The following HIPK2 variants were observed in gnomAD, a reference collection of about 807,000 sequenced individuals.
HIPK2 encodes the protein homeodomain-interacting protein kinase 2.
A neutral mutation model predicts 113.7 loss-of-function variants in HIPK2; 27 were observed. The ratio of observed to expected loss-of-function variants is 0.24; its 90% CI spans 0.17 to 0.33. The LOEUF is 0.33. Among genes scored for constraint, HIPK2 ranks in the 10% least tolerant of loss-of-function variants. The probability of loss-of-function intolerance (pLI) is 1.00; values close to 1 mark genes in which losing one functional copy is unlikely to be tolerated. For synonymous variants in HIPK2, 631 were observed against 642.2 expected, an observed-to-expected ratio of 0.98 and a Z score of 0.26; for missense variants, 1,257 against 1,588.0, an observed-to-expected ratio of 0.79 and a Z score of 3.54.
intron 1 of HIPK2, among the ~76,000 whole-genome samples, chr7:139,769,103 G>A (rs898328248): frequency 3.3e-5 from 5 of 152,204 alleles, no homozygotes; most frequent in African/African-American, 1.2e-4. Flanking sequence ...AAGTTTTCCT[G>A]ATCCTAGATC....
intron 2 of HIPK2, among the ~76,000 whole-genome samples, chr7:139,701,975 C>T (rs1222430916): frequency 1.3e-5 from 2 of 152,050 alleles, no homozygotes; most frequent in Non-Finnish European, 2.9e-5. Context: ...AGTAGGACTT[C>T]GAATCCCAGA....
intron 1 of HIPK2, among the ~76,000 whole-genome samples, chr7:139,749,529 A>G (rs1796245219): frequency 6.6e-6 from 1 of 152,190 alleles, no homozygotes; most frequent in Non-Finnish European, 1.5e-5. Context: ...GATCTACTTC[A>G]CATCAGGCTA....
At chr7:139,645,601 A>G (rs1218708858) in intron 2 of HIPK2, among the ~76,000 whole-genome samples, 1 of 152,190 alleles carries the variant, frequency 6.6e-6, no homozygotes. Context: ...TGGCCGATGG[A>G]GTAGGCTCTG....
rs1311156980 is a variant in HIPK2 at position 139,596,710 on chromosome 7, G to C, written c.2717+7C>G. 1.2e-5 allele frequency: 19 copies of C among 1,607,902 alleles called. No homozygotes were observed. The highest frequency in any genetic ancestry group is 1.5e-5 in the Non-Finnish European group (18 of 1,174,686). On this transcript the variant is annotated splice_region_variant and intron_variant, in intron 12 of 14. Coordinates refer to ENST00000406875, the MANE Select transcript of HIPK2 (RefSeq NM_022740.5). ...CTTCCTGGAAGGCTAAGGTGGCACT[G>C]CCTCACCTGGTGGGGGCGTGTTTCT...
intron 1 of HIPK2, among the ~76,000 whole-genome samples, chr7:139,723,492 C>A (rs965861345): frequency 1.3e-5 from 2 of 152,284 alleles, no homozygotes; most frequent in Middle Eastern, 3.4e-3. Flanking sequence ...CTGCACCCAG[C>A]CAACTCACAC....
At chr7:139,576,691 C>T (rs187612839) in intron 13 of HIPK2, among the ~76,000 whole-genome samples, 23 of 152,336 alleles carry the variant, frequency 1.5e-4, no homozygotes, top group East Asian at 9.6e-4. Context: ...TCACAGATCA[C>T]GCAGATGAGG....
chr7:139,580,525 G>C (rs920309389), intron 13 of HIPK2, among the ~76,000 whole-genome samples: 5 of 152,232 alleles, frequency 3.3e-5, no homozygotes, highest in African/African-American at 1.2e-4. Context: ...GGAACAGTGA[G>C]GAAACATTCT....
chr7:139,768,457 A>T (rs1796588851), intron 1 of HIPK2, among the ~76,000 whole-genome samples: 1 of 151,818 alleles, frequency 6.6e-6, no homozygotes, highest in Admixed American at 6.5e-5. Flanking sequence ...TTTTTTTTTT[A>T]AAGCTGCTTA....
chr7:139,569,121 C>G lies in HIPK2; in HGVS notation c.*3806G>C, dbSNP rs1056811670. 2 of 152,578 alleles carry G rather than the reference C, an allele frequency of 1.3e-5. No homozygotes were observed. Among genetic ancestry groups the G allele is most frequent in the Non-Finnish European group, 2.9e-5 (2 of 68,372 alleles). The allele number at this position is 152,578 out of a possible 1,614,324, so 9.5% of individuals were successfully genotyped here. A position where few individuals can be genotyped will look rare whatever the true frequency, so the allele number is the denominator to read the frequency against. On this transcript the variant is annotated 3_prime_UTR_variant, in exon 15 of 15. Coordinates refer to ENST00000406875, the MANE Select transcript of HIPK2 (RefSeq NM_022740.5). Reference sequence around the variant, plus strand: ...GCCTGAGCAGCCGCCCAGCTTTGTTCAGGGTTTCTCTGGCCTCCTGCTGTC... The same window carrying G: ...GCCTGAGCAGCCGCCCAGCTTTGTTGAGGGTTTCTCTGGCCTCCTGCTGTC...
chr7:139,754,741 C>T (rs1356766578), intron 1 of HIPK2, among the ~76,000 whole-genome samples: 2 of 152,166 alleles, frequency 1.3e-5, no homozygotes, highest in Admixed American at 6.5e-5. Flanking sequence ...AAGAAACTTC[C>T]TCTGTCACAC....
chr7:139,730,648 A>G (rs1264008269), intron 1 of HIPK2, among the ~76,000 whole-genome samples: 1 of 152,242 alleles, frequency 6.6e-6, no homozygotes, highest in Non-Finnish European at 1.5e-5. Context: ...GGCATGAGCC[A>G]TCGCACCTGG....
At chr7:139,688,269 A>G (rs780573250) in intron 2 of HIPK2, among the ~76,000 whole-genome samples, 35 of 151,800 alleles carry the variant, frequency 2.3e-4, no homozygotes, top group Non-Finnish European at 3.5e-4. Context: ...ATCAAGAGGC[A>G]CTCCCTCCTC....
At chr7:139,693,577 G>C (rs1191436484) in intron 2 of HIPK2, among the ~76,000 whole-genome samples, 5 of 152,164 alleles carry the variant, frequency 3.3e-5, no homozygotes, top group Admixed American at 6.5e-5. Context: ...CACTAAATGG[G>C]GAGTTGTCCC....
At chr7:139,684,311 A>G (rs1041780928) in intron 2 of HIPK2, among the ~76,000 whole-genome samples, 1 of 152,204 alleles carries the variant, frequency 6.6e-6, no homozygotes, top group African/African-American at 2.4e-5. Context: ...AATTAGGCCA[A>G]TTAATAATCC....
chr7:139,751,422 G>A (rs970570895), intron 1 of HIPK2, among the ~76,000 whole-genome samples: 13 of 152,078 alleles, frequency 8.5e-5, no homozygotes, highest in Non-Finnish European at 1.8e-4. Flanking sequence ...TGTTTGCTGT[G>A]CCTGGGAGTG....
chr7:139,761,344 G>C (rs1022739541), intron 1 of HIPK2, among the ~76,000 whole-genome samples: 3 of 152,256 alleles, frequency 2.0e-5, no homozygotes, highest in Admixed American at 6.5e-5. Context: ...CAAGTCACTT[G>C]CTGGTCTCTA....
intron 2 of HIPK2, among the ~76,000 whole-genome samples, chr7:139,703,577 G>C (rs1329387581): frequency 1.3e-5 from 2 of 151,884 alleles, no homozygotes; most frequent in African/African-American, 4.8e-5. Context: ...CACTTCCCCA[G>C]TCATGAGAAT....
chr7:139,628,846 A>G, intron 5 of HIPK2, 107 bp downstream of exon 5: 1 of 897,948 alleles, frequency 1.1e-6, no homozygotes, highest in Non-Finnish European at 1.7e-6. Context: ...CAACCACTGC[A>G]GTTGAATAAT....
In HIPK2 at chr7:139,683,800, G is replaced by A. The variant is rs971456823; in HGVS notation, c.1103+32132C>T. On this transcript the variant is annotated intron_variant, in intron 2 of 14. Coordinates refer to ENST00000406875, the MANE Select transcript of HIPK2 (RefSeq NM_022740.5). This position sits in a 1 kb window ranked among gnomAD's most constrained non-coding sequence, Gnocchi z 4.2. ...TTATTCTGTATTACACCAACAGTTA[G>A]GTCTTACTCACTCTCCTGTGGTTTT... Among the ~76,000 whole-genome samples the A allele has an allele frequency of 6.6e-6, 1 of 152,028 alleles. No individual in the cohort carries two copies. Among genetic ancestry groups the A allele is most frequent in the Non-Finnish European group, 1.5e-5 (1 of 67,994 alleles).
Sources: gnomAD v4.1 joint callset for allele counts (sites outside exome capture counted in the v4.1 genomes callset) on GRCh38, gnomAD v4.1.1 for gene constraint, Gnocchi (gnomAD v3.1) non-coding constraint, MANE v1.5 for transcripts, NCBI Gene and HGNC (gene_info 2026-07-23, HGNC 2026-07-21) for gene names.